DNAAF9: variants seen among roughly 807,000 people sequenced by gnomAD.
The protein encoded by DNAAF9 is dynein axonemal assembly factor 9, also known as shulin.
In DNAAF9, 90 loss-of-function variants were observed where a neutral mutation model predicts 167.0. The observed-to-expected ratio is 0.54, with a 90% CI of 0.45 to 0.64. The LOEUF is 0.64. Among genes scored for constraint, DNAAF9 ranks in the 30% least tolerant of loss-of-function variants. DNAAF9 has a pLI of 0.00. For synonymous variants in DNAAF9, 491 were observed against 508.8 expected, an observed-to-expected ratio of 0.96 and a Z score of 0.47; for missense variants, 1,315 against 1,442.2, an observed-to-expected ratio of 0.91 and a Z score of 1.43.
intron 20 of DNAAF9, among the ~76,000 whole-genome samples, chr20:3,309,088 T>G (rs1017134851): frequency 1.3e-5 from 2 of 152,198 alleles, no homozygotes; most frequent in African/African-American, 4.8e-5. Context: ...AGTTCCCACC[T>G]TGTTTTTCTT....
rs147215790 is a variant in DNAAF9, at chr20:3,308,243, G to A, written c.1679-3700C>T. ...CTAATCATGTATTCTTCTGTGACTT[G>A]CTTACTTCTCCTGACATTCTGTTCC... On this transcript the variant is annotated intron_variant, in intron 20 of 36. Coordinates refer to ENST00000252032, the MANE Select transcript of DNAAF9 (RefSeq NM_001009984.3). Among the ~76,000 whole-genome samples, 736 of 151,686 alleles carry A rather than the reference G, an allele frequency of 4.9e-3. 2 individuals carry two copies. Among genetic ancestry groups the A allele is most frequent in the Middle Eastern group, 6.8e-3 (2 of 292 alleles).
intron 30 of DNAAF9, among the ~76,000 whole-genome samples, chr20:3,265,943 G>C (rs1301313471): frequency 6.6e-6 from 1 of 152,110 alleles, no homozygotes; most frequent in Non-Finnish European, 1.5e-5. Context: ...GCCTCCTAAA[G>C]CGTTGGGATT....
chr20:3,330,768 G>T, intron 11 of DNAAF9, 86 bp from the exon 12 acceptor site: 1 of 753,266 alleles, frequency 1.3e-6, no homozygotes, highest in Non-Finnish European at 2.2e-6. Context: ...TAATTTACCT[G>T]GAAGGCATTG....
chr20:3,386,956 C>G (rs573767916), intron 1 of DNAAF9, among the ~76,000 whole-genome samples: 1 of 152,088 alleles, frequency 6.6e-6, no homozygotes, highest in Non-Finnish European at 1.5e-5. Context: ...ACAGTGACTA[C>G]CAAACTGAGA....
At chr20:3,320,803 G>A (rs1284607388) in intron 16 of DNAAF9, among the ~76,000 whole-genome samples, 3 of 152,162 alleles carry the variant, frequency 2.0e-5, no homozygotes, top group African/African-American at 4.8e-5. Context: ...ATGGGGATGC[G>A]CTTGTACCAA....
chr20:3,284,283 C>T (rs574786320), intron 27 of DNAAF9, among the ~76,000 whole-genome samples: 91 of 150,776 alleles, frequency 6.0e-4, no homozygotes, highest in African/African-American at 2.1e-3. Context: ...CAGGCTCAAG[C>T]GATCCTCCTG....
Position 3,381,367 on chromosome 20 carries a change from A to G in DNAAF9, c.283+12T>C. 6.2e-7 allele frequency: 1 copy of G among 1,601,252 alleles called. No homozygotes were observed. Among genetic ancestry groups the G allele is most frequent in the Non-Finnish European group, 8.6e-7 (1 of 1,169,262 alleles). Reference sequence around the variant, plus strand: ...CTCTTCTATCACACAGAGTTTACCAATATATACTTACCATCTAGTACTTCT... The same window carrying G: ...CTCTTCTATCACACAGAGTTTACCAGTATATACTTACCATCTAGTACTTCT... On this transcript the variant is annotated intron_variant, in intron 3 of 36. Coordinates refer to ENST00000252032, the MANE Select transcript of DNAAF9 (RefSeq NM_001009984.3).
chr20:3,400,331 A>C (rs1423011556), intron 1 of DNAAF9, among the ~76,000 whole-genome samples: 1 of 152,210 alleles, frequency 6.6e-6, no homozygotes, highest in African/African-American at 2.4e-5. Context: ...AAGCTGGAGT[A>C]GTAAACTCCA....
chr20:3,379,974 C>G (rs1053230450), intron 3 of DNAAF9, among the ~76,000 whole-genome samples: 1 of 152,146 alleles, frequency 6.6e-6, no homozygotes, highest in Non-Finnish European at 1.5e-5. Context: ...AGAGGAATCT[C>G]GAACCCAGGA....
intron 6 of DNAAF9, among the ~76,000 whole-genome samples, chr20:3,366,855 G>A (rs975185130): frequency 1.3e-5 from 2 of 151,478 alleles, no homozygotes; most frequent in African/African-American, 2.4e-5. Flanking sequence ...AGTTTGGGAG[G>A]TCAAGGCTAC....
intron 27 of DNAAF9, among the ~76,000 whole-genome samples, chr20:3,285,582 G>A (rs1399945453): frequency 9.9e-5 from 15 of 151,554 alleles, no homozygotes; most frequent in African/African-American, 3.6e-4. Context: ...GGGAGGCTGA[G>A]GCACGAGAAT....
intron 6 of DNAAF9, among the ~76,000 whole-genome samples, chr20:3,363,608 T>C (rs1460875738): frequency 4.6e-5 from 7 of 151,772 alleles, no homozygotes; most frequent in Non-Finnish European, 5.9e-5. Flanking sequence ...ATCCCAGCTC[T>C]TAGGGAAGCA....
chr20:3,398,947 C>T (rs925576881), intron 1 of DNAAF9, among the ~76,000 whole-genome samples: 5 of 152,224 alleles, frequency 3.3e-5, no homozygotes, highest in Non-Finnish European at 7.3e-5. Flanking sequence ...GCCAATGTTC[C>T]TGCTGTCATA....
At chr20:3,352,294 T>A (rs897358277) in intron 7 of DNAAF9, among the ~76,000 whole-genome samples, 10 of 152,162 alleles carry the variant, frequency 6.6e-5, no homozygotes, top group African/African-American at 2.4e-4. Flanking sequence ...GATAAACCAA[T>A]CCTTTTGGGT....
chr20:3,340,297 G>T (rs1339599041), intron 10 of DNAAF9, among the ~76,000 whole-genome samples: 1 of 142,356 alleles, frequency 7.0e-6, no homozygotes, highest in Non-Finnish European at 1.5e-5. Context: ...AATTAAATGT[G>T]ATGCTTTCAA....
intron 16 of DNAAF9, among the ~76,000 whole-genome samples, chr20:3,321,449 T>C (rs2123048758): frequency 6.6e-6 from 1 of 152,338 alleles, no homozygotes; most frequent in Non-Finnish European, 1.5e-5. Context: ...CACATAGAAA[T>C]GGTGGGTAAA....
At chr20:3,348,692 T>C (rs946690085) in intron 7 of DNAAF9, 69 bp from the exon 8 acceptor site, 4 of 899,964 alleles carry the variant, frequency 4.4e-6, no homozygotes, top group East Asian at 2.5e-5. Flanking sequence ...ACGAGAATTA[T>C]GAAACTGTAA....
chr20:3,289,890 G>C (rs2068918960), intron 26 of DNAAF9, among the ~76,000 whole-genome samples: 1 of 152,140 alleles, frequency 6.6e-6, no homozygotes, highest in Non-Finnish European at 1.5e-5. Context: ...TACCAAACTA[G>C]AATGTAAGCT....
At chr20:3,388,764 T>C (rs989533290) in intron 1 of DNAAF9, among the ~76,000 whole-genome samples, 4 of 152,100 alleles carry the variant, frequency 2.6e-5, no homozygotes, top group African/African-American at 4.8e-5. Flanking sequence ...AGAAGGTAGA[T>C]AGAATGGTGG....
Sources: allele counts gnomAD v4.1 joint callset (sites outside exome capture counted in the v4.1 genomes callset), GRCh38; gene constraint gnomAD v4.1.1; transcripts MANE v1.5; gene names NCBI Gene and HGNC (gene_info 2026-07-23, HGNC 2026-07-21).